Variants in PCDH11X observed in about 807,000 individuals in gnomAD.
PCDH11X encodes protocadherin 11 X-linked, also known as protocadherin-11 X-linked.
Under a neutral mutation model 53.3 loss-of-function variants are expected in PCDH11X, and 18 were observed. The ratio of observed to expected loss-of-function variants is 0.34; its 90% CI spans 0.23 to 0.50. The LOEUF (loss-of-function observed/expected upper bound fraction) is 0.50. PCDH11X is among the 20% of genes least tolerant of loss of function. The pLI is 0.98. For missense variants in PCDH11X, 570 were observed against 1,032.4 expected (o/e 0.55, Z 6.14); for synonymous variants, 279 against 393.3 (o/e 0.71, Z 3.44).
intron 10 of PCDH11X, among the ~76,000 whole-genome samples, chrX:92,581,302 C>G (rs968910210): frequency 9.0e-6 from 1 of 110,960 alleles, no homozygotes; most frequent in African/African-American, 3.3e-5. Context: ...TGGCTGTGTC[C>G]CCACCCAAAT....
At chrX:92,144,166 C>G (rs2065234337) in intron 6 of PCDH11X, among the ~76,000 whole-genome samples, 1 of 110,002 alleles carries the variant, frequency 9.1e-6, no homozygotes, top group Admixed American at 9.7e-5. Context: ...AAGGAACTTG[C>G]CTTGGCTCAG....
chrX:92,321,719 G>A (rs756332050), intron 8 of PCDH11X, among the ~76,000 whole-genome samples: 4 of 110,803 alleles, frequency 3.6e-5, no homozygotes, highest in Admixed American at 2.9e-4. Flanking sequence ...CATTAATGCT[G>A]GTCAATTGCG....
At chrX:92,285,216 T>C (rs2068337862) in intron 8 of PCDH11X, among the ~76,000 whole-genome samples, 1 of 106,638 alleles carries the variant, frequency 9.4e-6, no homozygotes, top group South Asian at 4.2e-4. Context: ...CACATCATTA[T>C]AGAGTATGGA....
chrX:92,427,188 A>G (rs1291972973), intron 9 of PCDH11X, among the ~76,000 whole-genome samples: 1 of 110,184 alleles, frequency 9.1e-6, no homozygotes, highest in East Asian at 2.9e-4. Flanking sequence ...AGCTTCCCCT[A>G]TAATTATTTA....
chrX:91,868,979 A>G (rs1188932472), intron 5 of PCDH11X, among the ~76,000 whole-genome samples: 1 of 111,831 alleles, frequency 8.9e-6, no homozygotes, highest in Non-Finnish European at 1.9e-5. Flanking sequence ...CTATTGAAGA[A>G]TAGTAACGGT....
rs778015391 is a variant in PCDH11X at position 91,983,111 on chromosome X, G to A, written c.3033+103838G>A. 2.5e-5 allele frequency: 26 copies of A among 1,051,108 alleles called. No individual in the cohort carries two copies. The African/African-American group carries it at 2.8e-4, about 11-fold the overall frequency. The allele number at this position is 1,051,108 out of a possible 1,213,427, so 86.6% of individuals were successfully genotyped here. On this transcript the variant is annotated intron_variant, in intron 6 of 10. Transcript: ENST00000682573. ...CCCGGATGGAAGGCCCAGCAATGTCGAAATCTATGTTGCAGTCCAGGGTAA... is the reference window on the plus strand; with the variant it reads ...CCCGGATGGAAGGCCCAGCAATGTCAAAATCTATGTTGCAGTCCAGGGTAA...
At chrX:92,224,051 A>G (rs934182590) in intron 7 of PCDH11X, among the ~76,000 whole-genome samples, 3 of 111,858 alleles carry the variant, frequency 2.7e-5, no homozygotes, top group Admixed American at 9.5e-5. Flanking sequence ...AGAAATTTCT[A>G]TAAGGAAGTG....
chrX:92,111,219 TAAAAAAAAAAAAAAAAAA>T (rs771823629), intron 6 of PCDH11X, among the ~76,000 whole-genome samples: 1 of 19,807 alleles, frequency 5.0e-5, no homozygotes, highest in Non-Finnish European at 8.9e-5. Context: ...CACCTAACGC[TAAAAAAAAAAAAAAAAAA>T]AAAAAAAAAA....
chrX:92,302,579 G>A (rs2068745891), intron 8 of PCDH11X, among the ~76,000 whole-genome samples: 1 of 111,607 alleles, frequency 9.0e-6, no homozygotes, highest in Non-Finnish European at 1.9e-5. Flanking sequence ...TTATTGGCTA[G>A]GACAGTTGTT....
chrX:92,274,935 G>A (rs1295240896), intron 8 of PCDH11X, among the ~76,000 whole-genome samples: 13 of 110,330 alleles, frequency 1.2e-4, no homozygotes, highest in African/African-American at 4.3e-4. Context: ...GTGGTATCAG[G>A]AATAATGTGG....
intron 6 of PCDH11X, among the ~76,000 whole-genome samples, chrX:92,072,447 G>A (rs1322717617): frequency 1.8e-5 from 2 of 111,537 alleles, no homozygotes; most frequent in Non-Finnish European, 3.8e-5. Context: ...AGACCTCTGT[G>A]TAGTACCTGG....
chrX:91,992,850 G>A (rs2062349568), intron 6 of PCDH11X, among the ~76,000 whole-genome samples: 1 of 111,821 alleles, frequency 8.9e-6, no homozygotes, highest in African/African-American at 3.3e-5. Context: ...ATATGTGGTG[G>A]AGCAAGGACT....
chrX:92,065,338 A>T, intron 6 of PCDH11X, among the ~76,000 whole-genome samples: 1 of 110,793 alleles, frequency 9.0e-6, no homozygotes. Flanking sequence ...TACTGCGGAT[A>T]TCACTTTGAT....
rs1246216278 is a variant in PCDH11X, at chrX:92,423,435, G to T, written c.3343+35502G>T. Among the ~76,000 whole-genome samples, 10 of 94,664 alleles carry T rather than the reference G, an allele frequency of 1.1e-4. 1 individual carries two copies. Among genetic ancestry groups the T allele is most frequent in the Non-Finnish European group, 2.1e-4 (9 of 43,180 alleles). 82.2% of individuals were successfully genotyped at this position (94,664 alleles called of 115,157 possible). Reference sequence around the variant, plus strand: ...TTGCAAAGATTTTCTTCCACTCTGAGGGTTGTCTGTTTACTCTGCTGATTG... The same window carrying T: ...TTGCAAAGATTTTCTTCCACTCTGATGGTTGTCTGTTTACTCTGCTGATTG... On this transcript the variant is annotated intron_variant, in intron 9 of 10. Coordinates refer to ENST00000682573, the MANE Select transcript of PCDH11X (RefSeq NM_032968.5).
chrX:92,552,155 C>T (rs1440652014), intron 10 of PCDH11X, among the ~76,000 whole-genome samples: 1 of 94,793 alleles, frequency 1.1e-5, no homozygotes, highest in Non-Finnish European at 2.2e-5. Context: ...GATGTTTTAA[C>T]AATATTAATT....
At chrX:91,850,064 T>G (rs1937917442) in intron 5 of PCDH11X, among the ~76,000 whole-genome samples, 1 of 109,745 alleles carries the variant, frequency 9.1e-6, no homozygotes, top group Admixed American at 9.8e-5. Context: ...GATGTTCTTT[T>G]CTGTTATTAG....
chrX:92,242,012 G>A (rs956170672), intron 7 of PCDH11X, among the ~76,000 whole-genome samples: 3 of 109,185 alleles, frequency 2.7e-5, no homozygotes, highest in Non-Finnish European at 3.8e-5. Context: ...CAGGAGAATC[G>A]TTTGAACCCG....
At chrX:92,221,441 A>T (rs1383908835) in intron 7 of PCDH11X, among the ~76,000 whole-genome samples, 1 of 110,072 alleles carries the variant, frequency 9.1e-6, no homozygotes, top group Non-Finnish European at 1.9e-5. Context: ...CTATAGAGGA[A>T]GGCTAGATAA....
rs543123714 is a variant in PCDH11X, at chrX:91,894,490, A to G, written c.3033+15217A>G. On this transcript the variant is annotated intron_variant, in intron 6 of 10. Coordinates refer to ENST00000682573, the MANE Select transcript of PCDH11X (RefSeq NM_032968.5). ...TAGATTTTCTTGAAGTGCTTCCATC[A>G]GGGCATCGGAAAGATTTTTATTCAT... Among the ~76,000 whole-genome samples, 131 of 111,772 alleles carry G rather than the reference A, an allele frequency of 1.2e-3. 2 individuals are homozygous for G. In the South Asian group the frequency reaches 0.049, roughly 42 times the overall value.
Sources: gnomAD v4.1 joint callset for allele counts (sites outside exome capture counted in the v4.1 genomes callset) on GRCh38, gnomAD v4.1.1 for gene constraint, MANE v1.5 for transcripts, NCBI Gene and HGNC (gene_info 2026-07-23, HGNC 2026-07-21) for gene names.